Variants in LYRM4 observed in about 807,000 individuals in gnomAD.
The protein encoded by LYRM4 is LYR motif-containing protein 4.
LYRM4 carries 9 observed loss-of-function variants against 11.7 expected under a neutral mutation model. The observed-to-expected ratio is 0.77, with a 90% CI of 0.46 to 1.34. The LOEUF (loss-of-function observed/expected upper bound fraction) is 1.34, where lower values mean the gene tolerates loss of function less well. Ranked by LOEUF, LYRM4 falls within the 40% of genes most tolerant of loss-of-function variation. The pLI is 0.00. For missense variants in LYRM4, 133 were observed against 112.5 expected (o/e 1.18, Z -0.82); for synonymous variants, 42 against 40.4 (o/e 1.04, Z -0.15).
intron 1 of LYRM4, among the ~76,000 whole-genome samples, chr6:5,244,084 C>A (rs2753223): frequency 0.29 from 43,648 of 152,158 alleles, 7,900 homozygotes; most frequent in African/African-American, 0.51. Flanking sequence ...GATTTCTCGA[C>A]TTTATGATGG....
the LYRM4 span, among the ~76,000 whole-genome samples, chr6:5,094,210 AG>A: frequency 6.6e-6 from 1 of 152,224 alleles, no homozygotes; most frequent in Admixed American, 6.5e-5. Context: ...GGCCAGGTGC[AG>A]TGGCTCATGC....
At chr6:5,067,288 TAACA>T in the LYRM4 span, among the ~76,000 whole-genome samples, 371 of 152,342 alleles carry the variant, frequency 2.4e-3, 2 homozygotes, top group South Asian at 0.015. Context: ...TAGCAACAGT[TAACA>T]TTTACAATTG....
At chr6:5,175,432 C>T (rs1276411674) in intron 2 of LYRM4, among the ~76,000 whole-genome samples, 1 of 152,146 alleles carries the variant, frequency 6.6e-6, no homozygotes. Context: ...TCCTGCTCGA[C>T]CTGTGGATTC....
chr6:5,076,696 A>G, the LYRM4 span, among the ~76,000 whole-genome samples: 1 of 152,178 alleles, frequency 6.6e-6, no homozygotes, highest in African/African-American at 2.4e-5. Context: ...CACAATTCCA[A>G]GGGCTGCTAG....
the LYRM4 span, among the ~76,000 whole-genome samples, chr6:5,039,720 C>A: frequency 1.3e-5 from 2 of 152,034 alleles, no homozygotes. Context: ...AAGTCAAACT[C>A]CCCACAGAGT....
chr6:5,209,010 T>C (rs1761850720), intron 2 of LYRM4, among the ~76,000 whole-genome samples: 1 of 152,232 alleles, frequency 6.6e-6, no homozygotes, highest in Admixed American at 6.5e-5. Flanking sequence ...AAATTCATGT[T>C]GCTTTCCTGA....
the LYRM4 span, among the ~76,000 whole-genome samples, chr6:5,035,931 T>C: frequency 6.7e-6 from 1 of 150,072 alleles, no homozygotes; most frequent in Admixed American, 6.7e-5. Context: ...GCCTATTTAA[T>C]TGATTTGATG....
At chr6:5,243,669 C>A (rs975766007) in intron 1 of LYRM4, among the ~76,000 whole-genome samples, 5 of 152,048 alleles carry the variant, frequency 3.3e-5, no homozygotes, top group Admixed American at 6.6e-5. Flanking sequence ...AATAATATTA[C>A]CAGAAGACTA....
chr6:5,243,738 T>C (rs1281719590), intron 1 of LYRM4, among the ~76,000 whole-genome samples: 1 of 152,260 alleles, frequency 6.6e-6, no homozygotes, highest in Non-Finnish European at 1.5e-5. Context: ...TTATTTTTAA[T>C]TAATTAAAAC....
intron 2 of LYRM4, among the ~76,000 whole-genome samples, chr6:5,204,317 T>C (rs757728870): frequency 1.1e-4 from 17 of 152,234 alleles, no homozygotes; most frequent in Non-Finnish European, 1.9e-4. Context: ...TCTAGTTTCC[T>C]TGGCTTCTTT....
At chr6:5,237,061 A>C (rs1419194129) in intron 1 of LYRM4, among the ~76,000 whole-genome samples, 1 of 152,208 alleles carries the variant, frequency 6.6e-6, no homozygotes, top group African/African-American at 2.4e-5. Context: ...CTCAAGGTAA[A>C]GAATTGGCTT....
At position 5,225,028 on chromosome 6, in the gene LYRM4, C is replaced by G. The variant is rs1430292502; in HGVS notation, c.87-8290G>C. Among the ~76,000 whole-genome samples the G allele has an allele frequency of 2.6e-5, 4 of 151,930 alleles. No homozygotes were observed. The South Asian group carries it at 8.3e-4, about 31-fold the overall frequency. Reference sequence around the variant, plus strand: ...CTTTGGGAGGCCGAGGCAGGCGGATCACCTGAGGTCGGGAGTTTGAGACCA... The same window carrying G: ...CTTTGGGAGGCCGAGGCAGGCGGATGACCTGAGGTCGGGAGTTTGAGACCA... On this transcript the variant is annotated intron_variant, in intron 1 of 2. Transcript: ENST00000330636.
At chr6:5,173,777 T>C (rs1379340290) in intron 2 of LYRM4, among the ~76,000 whole-genome samples, 1 of 152,184 alleles carries the variant, frequency 6.6e-6, no homozygotes, top group Non-Finnish European at 1.5e-5. Flanking sequence ...AGAAATCCAT[T>C]TGATAAAAAG....
chr6:5,165,703 C>T (rs977414918), intron 2 of LYRM4, among the ~76,000 whole-genome samples: 1 of 152,072 alleles, frequency 6.6e-6, no homozygotes, highest in Non-Finnish European at 1.5e-5. Flanking sequence ...CCACCACACC[C>T]AGCAGATTTT....
intron 2 of LYRM4, among the ~76,000 whole-genome samples, chr6:5,209,410 C>T (rs189561788): frequency 6.6e-6 from 1 of 152,210 alleles, no homozygotes; most frequent in East Asian, 1.9e-4. Context: ...TTACAATAGC[C>T]TATTATTACA....
At chr6:5,152,178 G>A (rs1758125496) in intron 2 of LYRM4, among the ~76,000 whole-genome samples, 3 of 152,202 alleles carry the variant, frequency 2.0e-5, no homozygotes, top group Non-Finnish European at 4.4e-5. Context: ...TAGATGAGGA[G>A]CAACATGACG....
the LYRM4 span, among the ~76,000 whole-genome samples, chr6:5,092,884 G>A: frequency 2.6e-5 from 4 of 152,248 alleles, no homozygotes; most frequent in East Asian, 5.8e-4. Flanking sequence ...CCCCTGTGAC[G>A]CTCGGATCAC....
At chr6:5,113,667 C>T (rs1762986484) in intron 2 of LYRM4, among the ~76,000 whole-genome samples, 1 of 152,134 alleles carries the variant, frequency 6.6e-6, no homozygotes, top group Admixed American at 6.5e-5. Flanking sequence ...GATCTCTGTC[C>T]AGTGCTTTCT....
chr6:5,192,012 T>C (rs1360164785), intron 2 of LYRM4, among the ~76,000 whole-genome samples: 1 of 152,046 alleles, frequency 6.6e-6, no homozygotes, highest in East Asian at 1.9e-4. Flanking sequence ...TTAAAAAAAA[T>C]GCAGGAGAGC....
Sources: gnomAD v4.1 joint callset for allele counts (sites outside exome capture counted in the v4.1 genomes callset) on GRCh38, gnomAD v4.1.1 for gene constraint, MANE v1.5 for transcripts, NCBI Gene and HGNC (gene_info 2026-07-23, HGNC 2026-07-21) for gene names.